The following KCNMA1 variants were observed in gnomAD, a reference collection of about 807,000 sequenced individuals.
KCNMA1 encodes the protein Calcium-activated potassium channel subunit alpha-1.
In KCNMA1, 29 loss-of-function variants were observed where a neutral mutation model predicts 140.0. That is an observed-to-expected ratio of 0.21 (90% CI 0.15 to 0.28). The LOEUF (loss-of-function observed/expected upper bound fraction) is 0.28. Ranked by LOEUF, KCNMA1 falls within the 10% of genes least tolerant of loss-of-function variation. The pLI, the probability that KCNMA1 is intolerant of heterozygous loss-of-function variation, is 1.00. For synonymous variants in KCNMA1, 612 were observed against 611.9 expected (o/e 1.00, Z 0.00); for missense variants, 880 against 1,602.2 (o/e 0.55, Z 7.70).
In KCNMA1 at chr10:77,274,282, C is replaced by T. The variant is rs529190464; in HGVS notation, c.541-23026G>A. ...TCATGTATCACACATGACTAAAATG[C>T]AAGACTCTCCCAGACCTAGGGTCCT... is the stretch of plus-strand genomic sequence containing the variant. On this transcript the variant is annotated intron_variant, in intron 2 of 27. Coordinates refer to ENST00000286628, the MANE Select transcript of KCNMA1 (RefSeq NM_001161352.2). Among the ~76,000 whole-genome samples the T allele has an allele frequency of 2.6e-5, 4 of 152,228 alleles. No individual in the cohort carries two copies. In the South Asian group the frequency reaches 6.2e-4, roughly 24 times the overall value.
intron 23 of KCNMA1, among the ~76,000 whole-genome samples, chr10:76,943,818 T>C (rs1355930464): frequency 6.6e-6 from 1 of 152,200 alleles, no homozygotes; most frequent in Non-Finnish European, 1.5e-5. Flanking sequence ...GCTGAGCTTC[T>C]AGAAAGCCTG....
At chr10:77,431,681 TAAA>T (rs71028276) in intron 1 of KCNMA1, among the ~76,000 whole-genome samples, 868 of 74,992 alleles carry the variant, frequency 0.012, 8 homozygotes, top group African/African-American at 0.041. Context: ...TGGTCTGTTG[TAAA>T]AAAAAAAAAA....
intron 2 of KCNMA1, among the ~76,000 whole-genome samples, chr10:77,255,679 C>T (rs948285068): frequency 4.0e-5 from 6 of 151,592 alleles, no homozygotes; most frequent in East Asian, 1.9e-4. Context: ...TTTGGGAGGC[C>T]GAGGTGGGGG....
intron 3 of KCNMA1, among the ~76,000 whole-genome samples, chr10:77,219,541 A>T (rs1356178056): frequency 1.3e-5 from 2 of 151,202 alleles, no homozygotes; most frequent in Non-Finnish European, 3.0e-5. Context: ...GAAAGTAAAG[A>T]AAGATCAGTG....
intron 19 of KCNMA1, among the ~76,000 whole-genome samples, chr10:76,973,438 A>G (rs1452264766): frequency 6.6e-6 from 1 of 152,190 alleles, no homozygotes; most frequent in East Asian, 1.9e-4. Flanking sequence ...GTGCTAGAAA[A>G]ATGTCAGGCA....
intron 6 of KCNMA1, among the ~76,000 whole-genome samples, chr10:77,116,152 G>A (rs1177135069): frequency 6.6e-6 from 1 of 152,212 alleles, no homozygotes; most frequent in Non-Finnish European, 1.5e-5. Context: ...CCTAAGCTTT[G>A]AGGGAGATTA....
At chr10:77,337,958 C>T (rs1276004531) in intron 2 of KCNMA1, among the ~76,000 whole-genome samples, 2 of 152,184 alleles carry the variant, frequency 1.3e-5, no homozygotes, top group African/African-American at 4.8e-5. Flanking sequence ...GCAGGGGTTT[C>T]AGTACAACCT....
chr10:77,146,308 T>C (rs2098289304), intron 5 of KCNMA1, among the ~76,000 whole-genome samples: 1 of 152,168 alleles, frequency 6.6e-6, no homozygotes, highest in South Asian at 2.1e-4. Context: ...TGCCTTGGGT[T>C]CAAATGGATG....
At chr10:77,133,388 A>G (rs532351517) in intron 5 of KCNMA1, among the ~76,000 whole-genome samples, 1 of 152,060 alleles carries the variant, frequency 6.6e-6, no homozygotes, top group African/African-American at 2.4e-5. Flanking sequence ...ATGCTATTTA[A>G]AAGACATACA....
intron 2 of KCNMA1, among the ~76,000 whole-genome samples, chr10:77,342,294 C>T (rs2091114595): frequency 6.6e-6 from 1 of 152,092 alleles, no homozygotes; most frequent in African/African-American, 2.4e-5. Context: ...TTATTATATG[C>T]CAGGCACATG....
At chr10:76,880,844 T>G (rs1370230042), downstream of KCNMA1, among the ~76,000 whole-genome samples, 1 of 152,176 alleles carries the variant, frequency 6.6e-6, no homozygotes, top group Non-Finnish European at 1.5e-5. Context: ...CAGAAAGATT[T>G]CCAGGGGCTT....
intron 6 of KCNMA1, among the ~76,000 whole-genome samples, chr10:77,116,741 T>C (rs536062103): frequency 7.2e-5 from 11 of 152,146 alleles, no homozygotes; most frequent in Non-Finnish European, 1.6e-4. Context: ...CCTAAGGCCA[T>C]GCCCTAATAC....
At chr10:76,901,405 T>A (rs1018319800) in intron 25 of KCNMA1, 1 of 152,100 alleles carries the variant, frequency 6.6e-6, no homozygotes, top group Non-Finnish European at 1.5e-5. Context: ...ACACAGTCAA[T>A]TTTTTTTAAA....
At position 77,546,826 on chromosome 10, in the gene KCNMA1, G is replaced by A. The variant is rs570953792; in HGVS notation, c.378+90439C>T. Among the ~76,000 whole-genome samples the A allele has an allele frequency of 9.7e-4, 147 of 152,312 alleles. No individual in the cohort carries two copies. In the Middle Eastern group the frequency reaches 0.038, roughly 39 times the overall value. ...GCAGACCTGGGCATTAGCAACTGGAGTTCTGTTTTCCCTTCTAGGCTACCT... is the reference window on the plus strand; with the variant it reads ...GCAGACCTGGGCATTAGCAACTGGAATTCTGTTTTCCCTTCTAGGCTACCT... On this transcript the variant is annotated intron_variant, in intron 1 of 27. Transcript: ENST00000286628.
intron 1 of KCNMA1, among the ~76,000 whole-genome samples, chr10:77,630,237 C>T (rs2093020867): frequency 6.6e-6 from 1 of 152,208 alleles, no homozygotes; most frequent in Non-Finnish European, 1.5e-5. Flanking sequence ...CCTGGGGCAT[C>T]ACCGCAGTGC....
downstream of KCNMA1, chr10:76,877,560 C>T: frequency 3.9e-6 from 2 of 510,856 alleles, no homozygotes; most frequent in Non-Finnish European, 3.4e-6. Context: ...TTTTCTTTTC[C>T]AAAATACATG....
chr10:77,384,571 C>G (rs1374591940), intron 2 of KCNMA1, among the ~76,000 whole-genome samples: 1 of 152,010 alleles, frequency 6.6e-6, no homozygotes, highest in Non-Finnish European at 1.5e-5. Flanking sequence ...GGGTAATACC[C>G]AAAAGAGAAG....
chr10:77,022,991 A>G (rs989306151), intron 16 of KCNMA1: 1 of 454,158 alleles, frequency 2.2e-6, no homozygotes, highest in Non-Finnish European at 4.4e-6. Flanking sequence ...TCAAAGAGAA[A>G]TATGGGTTCC....
intron 1 of KCNMA1, among the ~76,000 whole-genome samples, chr10:77,588,935 C>T (rs2078137583): frequency 6.6e-6 from 1 of 152,230 alleles, no homozygotes; most frequent in Non-Finnish European, 1.5e-5. Context: ...AGGGGAGGAG[C>T]TGGCAAACAT....
Sources: allele counts gnomAD v4.1 joint callset (sites outside exome capture counted in the v4.1 genomes callset), GRCh38; gene constraint gnomAD v4.1.1; transcripts MANE v1.5; gene names NCBI Gene and HGNC (gene_info 2026-07-23, HGNC 2026-07-21).